ELFN1: variants seen among roughly 807,000 people sequenced by gnomAD.
The protein encoded by ELFN1 is protein ELFN1.
Under a neutral mutation model 7.6 loss-of-function variants are expected in ELFN1, and 6 were observed. That is an observed-to-expected ratio of 0.79 (90% CI 0.43 to 1.56). The LOEUF (loss-of-function observed/expected upper bound fraction) is 1.56. ELFN1 is among the 40% of genes most tolerant of loss of function. The pLI, the probability that ELFN1 is intolerant of heterozygous loss-of-function variation, is 0.01. For synonymous variants in ELFN1, 657 were observed against 588.1 expected (o/e 1.12, Z -1.70); for missense variants, 1,169 against 1,232.2 (o/e 0.95, Z 0.77).
In ELFN1 at chr7:1,729,603, G is replaced by A. The variant is rs531559555; in HGVS notation, c.-293-14701G>A. ...GACGGACACGGCTTCGCTTCTACCA[G>A]CGCCTTGGTTAAGGCTGTCTCAGGC... On this transcript the variant is annotated intron_variant, in intron 3 of 3. Coordinates refer to ENST00000424383, the MANE Select transcript of ELFN1 (RefSeq NM_001128636.4). Among the ~76,000 whole-genome samples, 5 of 152,332 alleles carry A rather than the reference G, an allele frequency of 3.3e-5. No homozygotes were observed. The South Asian group carries it at 6.2e-4, about 19-fold the overall frequency.
At chr7:1,700,294 A>G (rs2128583921) in intron 2 of ELFN1, among the ~76,000 whole-genome samples, 1 of 152,342 alleles carries the variant, frequency 6.6e-6, no homozygotes, top group Non-Finnish European at 1.5e-5. Flanking sequence ...GCGTGACCAC[A>G]GTCAGGGTGA....
In ELFN1 at chr7:1,740,043, C is replaced by A. The variant is rs1371684558; in HGVS notation, c.-293-4261C>A. Among the ~76,000 whole-genome samples, 3 of 152,180 alleles carry A rather than the reference C, an allele frequency of 2.0e-5. No homozygotes were observed. The highest frequency in any genetic ancestry group is 4.4e-5 in the Non-Finnish European group (3 of 68,026). ...AGAGCCACAGGGGACCCGTGGCCAC[C>A]CTGTTGGACAGCGCAAGTACAGAAC... On this transcript the variant is annotated intron_variant, in intron 3 of 3. Coordinates refer to ENST00000424383, the MANE Select transcript of ELFN1 (RefSeq NM_001128636.4). This position sits in a 1 kb window ranked among gnomAD's most constrained non-coding sequence, Gnocchi z 5.0.
chr7:1,666,285 G>C, upstream of ELFN1, among the ~76,000 whole-genome samples: 1 of 149,212 alleles, frequency 6.7e-6, no homozygotes, highest in South Asian at 2.1e-4. This position sits in a 1 kb window ranked among gnomAD's most constrained non-coding sequence, Gnocchi z 7.9. Context: ...GATGCTCTCT[G>C]GGGGGGGCGG....
intron 2 of ELFN1, among the ~76,000 whole-genome samples, chr7:1,708,282 C>G (rs1189220904): frequency 6.6e-6 from 1 of 152,202 alleles, no homozygotes; most frequent in Non-Finnish European, 1.5e-5. Context: ...GAAGCAAGTA[C>G]GCTGGTGAAA....
Position 1,720,738 on chromosome 7 carries a change from C to T in ELFN1, c.-294+11486C>T, listed in dbSNP as rs561641413. ...CCCTTCCTCCCCCCAGCACCCCCCA[C>T]CCCCCGCACCTAGTACTTGGATCTC... On this transcript the variant is annotated intron_variant, in intron 3 of 3. Coordinates refer to ENST00000424383, the MANE Select transcript of ELFN1 (RefSeq NM_001128636.4). Among the ~76,000 whole-genome samples, 52 of 151,006 alleles carry T rather than the reference C, an allele frequency of 3.4e-4. No homozygotes were observed. The East Asian group carries it at 9.5e-3, about 28-fold the overall frequency.
rs752201025 is a variant in ELFN1, at chr7:1,745,673, G to A, written c.1077G>A (p.Leu359=). Residue 359 remains leucine (L), a synonymous_variant, in exon 4 of 4, where the codon CTG becomes CTA. Transcript: ENST00000424383. The part of the protein sequence containing the change: ...NNSKASTVSR[L]TKAQEEIRLT... The stretch of plus-strand genomic sequence containing the variant: ...GCAAGGCCTCCACCGTGTCCAGGCT[G>A]ACCAAGGCCCAGGAGGAGATCCGTC... 4 of 1,551,448 alleles carry A rather than the reference G, an allele frequency of 2.6e-6. No individual in the cohort carries two copies. The South Asian group carries it at 3.6e-5, about 14-fold the overall frequency.
At chr7:1,672,344 A>G (rs1337881390) in intron 1 of ELFN1, among the ~76,000 whole-genome samples, 1 of 152,176 alleles carries the variant, frequency 6.6e-6, no homozygotes, top group African/African-American at 2.4e-5. Context: ...CACCTGGGCC[A>G]GGGAGAGGCT....
chr7:1,696,146 G>A lies in ELFN1; in HGVS notation c.-456+7996G>A, dbSNP rs79617852. ...GTTTGCAGATGGCTACCTTCTCACC[G>A]TGTCCTCCCAAGACAGAGAGAGAGA... On this transcript the variant is annotated intron_variant, in intron 2 of 3. Coordinates refer to ENST00000424383, the MANE Select transcript of ELFN1 (RefSeq NM_001128636.4). Among the ~76,000 whole-genome samples, 3,351 of 152,020 alleles carry A rather than the reference G, an allele frequency of 0.022. 372 individuals carry two copies. In the East Asian group the frequency reaches 0.36, roughly 16 times the overall value.
chr7:1,730,719 A>C (rs1450049446), intron 3 of ELFN1, among the ~76,000 whole-genome samples: 1 of 152,238 alleles, frequency 6.6e-6, no homozygotes, highest in Non-Finnish European at 1.5e-5. Context: ...AGCCAGAATC[A>C]TTCTAGGTGA....
Position 1,746,424 on chromosome 7 carries a change from G to C in ELFN1, c.1828G>C (p.Gly610Arg). 1 of 1,532,938 alleles carries C rather than the reference G, an allele frequency of 6.5e-7. No homozygotes were observed. 95.0% of individuals were successfully genotyped at this position (1,532,938 alleles called of 1,614,324 possible). A position where few individuals can be genotyped will look rare whatever the true frequency, so the allele number is the denominator to read the frequency against. ...LLSEPLAAKH[G>R]FLAPGYKDAF... ...GTCCGAGCCGCTGGCCGCCAAGCAC[G>C]GCTTCCTGGCGCCCGGGTACAAGGA... Residue 610 changes from glycine to arginine, a missense_variant, in exon 4 of 4, where the codon GGC becomes CGC. Transcript: ENST00000424383.
At chr7:1,731,178 A>G (rs1443545000) in intron 3 of ELFN1, among the ~76,000 whole-genome samples, 1 of 152,184 alleles carries the variant, frequency 6.6e-6, no homozygotes, top group East Asian at 1.9e-4. Context: ...AGAAAACAAG[A>G]GTGGTGAGAT....
chr7:1,741,765 CT>C (rs1047625943), intron 3 of ELFN1, among the ~76,000 whole-genome samples: 120 of 152,264 alleles, frequency 7.9e-4, no homozygotes, highest in African/African-American at 2.9e-3. Flanking sequence ...AGGAGGAAAT[CT>C]GGGGGGCTCC....
chr7:1,708,895 C>G (rs1779593106), intron 2 of ELFN1, among the ~76,000 whole-genome samples, 196 bp from the exon 3 acceptor site: 1 of 152,172 alleles, frequency 6.6e-6, no homozygotes, highest in Admixed American at 6.5e-5. Flanking sequence ...GCACATGGCT[C>G]TGTGTGTCAG....
chr7:1,679,589 A>G (rs746397284), intron 1 of ELFN1, among the ~76,000 whole-genome samples: 1 of 152,014 alleles, frequency 6.6e-6, no homozygotes, highest in South Asian at 2.1e-4. Context: ...CCCGGGGAGG[A>G]TGTGGGGAGG....
chr7:1,680,548 G>A (rs1004455588), intron 1 of ELFN1, among the ~76,000 whole-genome samples: 1 of 152,082 alleles, frequency 6.6e-6, no homozygotes, highest in Non-Finnish European at 1.5e-5. Flanking sequence ...CGCCGACACC[G>A]TCACCGTGCC....
intron 1 of ELFN1, among the ~76,000 whole-genome samples, chr7:1,682,346 C>T (rs1233602990): frequency 5.3e-5 from 8 of 152,206 alleles, no homozygotes; most frequent in Non-Finnish European, 1.2e-4. Flanking sequence ...ACTATCTTTT[C>T]TGCACTACAT....
chr7:1,744,222 C>T lies in ELFN1; in HGVS notation c.-293-82C>T, dbSNP rs181154443. The T allele has an allele frequency of 1.4e-3, 354 of 257,456 alleles. 6 individuals are homozygous for T. In the East Asian group the frequency reaches 0.022, roughly 16 times the overall value. 15.9% of individuals were successfully genotyped at this position (257,456 alleles called of 1,614,324 possible). On this transcript the variant is annotated intron_variant, in intron 3 of 3. Transcript: ENST00000424383. The stretch of plus-strand genomic sequence containing the variant: ...AGGGACTCAGGCCACATTGGGATGC[C>T]GCCGCTGTGAGATGCCGGCCGTCCC...
intron 3 of ELFN1, among the ~76,000 whole-genome samples, chr7:1,730,121 A>G (rs1258726406): frequency 2.0e-5 from 3 of 152,220 alleles, no homozygotes; most frequent in Non-Finnish European, 4.4e-5. Context: ...TCTATCGTTC[A>G]CCCTGCTTTG....
At chr7:1,742,288 CTG>C (rs1780645790) in intron 3 of ELFN1, 1 of 152,312 alleles carries the variant, frequency 6.6e-6, no homozygotes, top group Non-Finnish European at 1.5e-5. Context: ...TACACGCTTC[CTG>C]TGCGGCCGCT....
Sources: gnomAD v4.1 joint callset for allele counts (sites outside exome capture counted in the v4.1 genomes callset) on GRCh38, gnomAD v4.1.1 for gene constraint, Gnocchi (gnomAD v3.1) non-coding constraint, MANE v1.5 for transcripts, NCBI Gene and HGNC (gene_info 2026-07-23, HGNC 2026-07-21) for gene names.